RELN: variants seen among roughly 807,000 people sequenced by gnomAD.
RELN encodes reelin.
RELN carries 108 observed loss-of-function variants against 427.6 expected under a neutral mutation model. The ratio of observed to expected loss-of-function variants is 0.25; its 90% CI spans 0.22 to 0.30. The LOEUF (loss-of-function observed/expected upper bound fraction) is 0.30, where lower values mean the gene tolerates loss of function less well. Ranked by LOEUF, RELN falls within the 10% of genes least tolerant of loss-of-function variation. The pLI is 1.00. For missense variants in RELN, 3,715 were observed against 4,302.8 expected, an observed-to-expected ratio of 0.86 and a Z score of 3.82; for synonymous variants, 1,524 against 1,513.4, an observed-to-expected ratio of 1.01 and a Z score of -0.16.
intron 1 of RELN, among the ~76,000 whole-genome samples, chr7:103,948,959 G>A (rs1029152970): frequency 2.7e-5 from 4 of 146,258 alleles, no homozygotes; most frequent in African/African-American, 5.2e-5. Context: ...ATACTGCAAT[G>A]AGCCTCGGCC....
At chr7:103,484,160 GTA>G (rs1828343371) in intron 61 of RELN, 3 of 364,268 alleles carry the variant, frequency 8.2e-6, no homozygotes, top group Non-Finnish European at 1.5e-5. Context: ...GATTACAGGT[GTA>G]AGCCACTGTG....
rs969776590 is a variant in RELN at position 103,603,896 on chromosome 7, T to A, written c.3147-406A>T. Reference sequence around the variant, plus strand: ...AACATTTTATAGTTCCTCTTTCTGATTAAACTATGCCTTTTTTAGAGTCTT... The same window carrying A: ...AACATTTTATAGTTCCTCTTTCTGAATAAACTATGCCTTTTTTAGAGTCTT... On this transcript the variant is annotated intron_variant, in intron 23 of 64. Coordinates refer to ENST00000428762, the MANE Select transcript of RELN (RefSeq NM_005045.4). The surrounding 1 kb of genome is among the most constrained non-coding windows in gnomAD (Gnocchi z 4.3). Among the ~76,000 whole-genome samples the A allele has an allele frequency of 2.0e-5, 3 of 152,194 alleles. No homozygotes were observed. The highest frequency in any genetic ancestry group is 4.8e-5 in the African/African-American group (2 of 41,454).
At chr7:103,491,209 G>A (rs1828638557) in intron 58 of RELN, among the ~76,000 whole-genome samples, 1 of 152,184 alleles carries the variant, frequency 6.6e-6, no homozygotes, top group Non-Finnish European at 1.5e-5. Flanking sequence ...TAAGGTAACT[G>A]AACTATGTCA....
At chr7:103,719,622 G>A (rs1439119324) in intron 8 of RELN, among the ~76,000 whole-genome samples, 1 of 144,598 alleles carries the variant, frequency 6.9e-6, no homozygotes, top group Non-Finnish European at 1.5e-5. Flanking sequence ...TAGACACAAG[G>A]TACTACCGCC....
intron 50 of RELN, 138 bp from the exon 51 acceptor site, chr7:103,511,143 T>TATAAATACATTGTTTCAGGAAC: frequency 1.5e-6 from 1 of 682,900 alleles, no homozygotes; most frequent in Non-Finnish European, 2.6e-6. Context: ...AAAACACTAA[T>TATAAATACATTGTTTCAGGAAC]ATAAATACAT....
At chr7:103,978,422 G>A (rs1796925631) in intron 1 of RELN, among the ~76,000 whole-genome samples, 3 of 152,156 alleles carry the variant, frequency 2.0e-5, no homozygotes, top group Admixed American at 2.0e-4. Flanking sequence ...AGGCTGAATA[G>A]TATTCCATTA....
intron 2 of RELN, among the ~76,000 whole-genome samples, chr7:103,838,070 G>C (rs112109100): frequency 6.6e-6 from 1 of 151,852 alleles, no homozygotes; most frequent in Non-Finnish European, 1.5e-5. Flanking sequence ...TTAGCTGGGT[G>C]TGGTGGTGGG....
At position 103,925,442 on chromosome 7, in the gene RELN, G is replaced by T. The variant is rs1795711562; in HGVS notation, c.227-8257C>A. ...AAATGACACTTTATTATAATTCAGA[G>T]AACCACAGACAAGAGTAACTGGTAT... On this transcript the variant is annotated intron_variant, in intron 1 of 64. Transcript: ENST00000428762. 3.3e-5 allele frequency among the ~76,000 whole-genome samples: 5 copies of T among 152,028 alleles called. No individual in the cohort carries two copies. The South Asian group carries it at 8.3e-4, about 25-fold the overall frequency.
intron 3 of RELN, among the ~76,000 whole-genome samples, chr7:103,797,791 A>C (rs1792345510): frequency 6.6e-6 from 1 of 152,192 alleles, no homozygotes; most frequent in Non-Finnish European, 1.5e-5. Flanking sequence ...ATATAAAGGA[A>C]TTGTGAAGGG....
chr7:103,611,228 A>G (rs1010561542), intron 21 of RELN, among the ~76,000 whole-genome samples: 3 of 152,306 alleles, frequency 2.0e-5, no homozygotes, highest in South Asian at 2.1e-4. Context: ...CTTTGTTTCT[A>G]AAGACAAGAA....
At chr7:103,587,699 A>G (rs975053552) in intron 28 of RELN, among the ~76,000 whole-genome samples, 1 of 152,124 alleles carries the variant, frequency 6.6e-6, no homozygotes, top group African/African-American at 2.4e-5. Context: ...TAAATAAATA[A>G]AATTAAAAGG....
chr7:103,689,801 T>C (rs1833836560), intron 10 of RELN, among the ~76,000 whole-genome samples: 1 of 152,138 alleles, frequency 6.6e-6, no homozygotes, highest in African/African-American at 2.4e-5. Flanking sequence ...GATGATAACT[T>C]GTGGAAAGCA....
At chr7:103,556,865 G>A in intron 38 of RELN, 112 bp downstream of exon 38, 1 of 869,766 alleles carries the variant, frequency 1.1e-6, no homozygotes, top group Admixed American at 1.7e-5. Context: ...AAATGTGTGT[G>A]CTGTGGACAG....
At chr7:103,504,280 A>G (rs2117043078) in intron 51 of RELN, 1 of 152,364 alleles carries the variant, frequency 6.6e-6, no homozygotes, top group African/African-American at 2.4e-5. Flanking sequence ...GAGGAAAAAA[A>G]GTAGAAATAA....
intron 1 of RELN, among the ~76,000 whole-genome samples, chr7:103,935,803 A>G (rs896605062): frequency 6.6e-6 from 1 of 152,150 alleles, no homozygotes; most frequent in African/African-American, 2.4e-5. Flanking sequence ...ATCAGTGAAT[A>G]AGTCTGTGCC....
At chr7:103,787,243 G>C (rs1338528217) in intron 3 of RELN, among the ~76,000 whole-genome samples, 1 of 152,114 alleles carries the variant, frequency 6.6e-6, no homozygotes, top group East Asian at 1.9e-4. Context: ...ACAGGAGAAA[G>C]CAGGAAAGAT....
chr7:103,551,584 TTG>T (rs1238418996), intron 40 of RELN, among the ~76,000 whole-genome samples: 3 of 152,130 alleles, frequency 2.0e-5, no homozygotes, highest in Non-Finnish European at 4.4e-5. Context: ...AATTTTACCT[TTG>T]GCCCATTTTC....
chr7:103,766,370 T>TA (rs1326560920), intron 4 of RELN, among the ~76,000 whole-genome samples: 7 of 152,184 alleles, frequency 4.6e-5, no homozygotes, highest in African/African-American at 7.2e-5. Flanking sequence ...TTAAAGTAGA[T>TA]ACGTTAAAAC....
chr7:103,630,771 T>C (rs1034260306), intron 19 of RELN, among the ~76,000 whole-genome samples: 3 of 152,128 alleles, frequency 2.0e-5, no homozygotes, highest in Middle Eastern at 3.4e-3. Flanking sequence ...AATGGAACAT[T>C]TGTCACCGTC....
Sources: gnomAD v4.1 joint callset for allele counts (sites outside exome capture counted in the v4.1 genomes callset) on GRCh38, gnomAD v4.1.1 for gene constraint, Gnocchi (gnomAD v3.1) non-coding constraint, MANE v1.5 for transcripts, NCBI Gene and HGNC (gene_info 2026-07-23, HGNC 2026-07-21) for gene names.